Variants in OTUD7A observed in about 807,000 individuals in gnomAD.
OTUD7A encodes OTU deubiquitinase 7A.
OTUD7A carries 12 observed loss-of-function variants against 65.7 expected under a neutral mutation model. That is an observed-to-expected ratio of 0.18 (90% CI 0.12 to 0.30). OTUD7A has a LOEUF of 0.30. Among genes scored for constraint, OTUD7A ranks in the 10% least tolerant of loss-of-function variants. The probability of loss-of-function intolerance (pLI) is 1.00; values close to 1 mark genes in which losing one functional copy is unlikely to be tolerated. For synonymous variants in OTUD7A, 641 were observed against 586.3 expected (o/e 1.09, Z -1.35); for missense variants, 1,148 against 1,304.8 (o/e 0.88, Z 1.85).
chr15:31,828,699 C>T (rs756035071), intron 1 of OTUD7A, among the ~76,000 whole-genome samples: 1 of 152,088 alleles, frequency 6.6e-6, no homozygotes, highest in Non-Finnish European at 1.5e-5. Context: ...TATTTTATCA[C>T]CAATCTGTAC....
In OTUD7A at chr15:31,796,142, C is replaced by CGTGTGTGTGT. The variant is rs145581747; in HGVS notation, c.-100+74355_-100+74364dup. 4.4e-3 allele frequency among the ~76,000 whole-genome samples: 656 copies of CGTGTGTGTGT among 148,124 alleles called. 6 individuals are homozygous for CGTGTGTGTGT. Among genetic ancestry groups the CGTGTGTGTGT allele is most frequent in the East Asian group, 0.026 (130 of 5,032 alleles). ...AGAGAAGCAGAACCAGTAAGGGGTG[C>CGTGTGTGTGT]GTGTGTGTGTGTGTGTGTGTGTGTA... On this transcript the variant is annotated intron_variant, in intron 1 of 12. Transcript: ENST00000307050.
chr15:31,865,999 A>G (rs2141022090), intron 1 of OTUD7A, among the ~76,000 whole-genome samples: 1 of 152,366 alleles, frequency 6.6e-6, no homozygotes, highest in South Asian at 2.1e-4. Flanking sequence ...CAAATAGAAA[A>G]TATTTCCTTG....
In OTUD7A at chr15:31,483,991, G is replaced by T; in HGVS notation, c.2105C>A (p.Pro702Gln). ...CACGCCCTCCGTCTCCGGTCTGCGC[G>T]GCGGCCGCTTGGCCGTGGCGGCGGC... ...AAAAATAKRP[P>Q]RRPETEGVPV... Residue 702 changes from proline (P) to glutamine (Q), a missense_variant, in exon 13 of 13, where the codon CCG (proline) becomes CAG (glutamine). Coordinates refer to ENST00000307050, the MANE Select transcript of OTUD7A (RefSeq NM_001382637.1). 8.9e-7 allele frequency: 1 copy of T among 1,128,430 alleles called. No homozygotes were observed. The allele number at this position is 1,128,430 out of a possible 1,614,324, so 69.9% of individuals were successfully genotyped here.
intron 1 of OTUD7A, among the ~76,000 whole-genome samples, chr15:31,722,769 C>T (rs984783265): frequency 6.6e-6 from 1 of 152,204 alleles, no homozygotes; most frequent in African/African-American, 2.4e-5. Flanking sequence ...TTGTCCACTT[C>T]GTGGTCTTAC....
At chr15:31,763,988 A>C (rs1450294418) in intron 1 of OTUD7A, among the ~76,000 whole-genome samples, 1 of 152,222 alleles carries the variant, frequency 6.6e-6, no homozygotes. Context: ...AAAGAAAATG[A>C]AGAGAATTAG....
intron 8 of OTUD7A, among the ~76,000 whole-genome samples, chr15:31,508,101 A>G (rs1366964997): frequency 1.1e-5 from 1 of 87,600 alleles, no homozygotes; most frequent in Non-Finnish European, 2.2e-5. Context: ...TAGTTACATT[A>G]ATAACAAGGG....
At chr15:31,747,894 C>T (rs1894522428) in intron 1 of OTUD7A, among the ~76,000 whole-genome samples, 1 of 152,134 alleles carries the variant, frequency 6.6e-6, no homozygotes, top group African/African-American at 2.4e-5. Flanking sequence ...CGTGGCACTG[C>T]TGGCAAAAAT....
chr15:31,868,517 G>C (rs758364359), intron 1 of OTUD7A, among the ~76,000 whole-genome samples: 2 of 152,202 alleles, frequency 1.3e-5, no homozygotes, highest in Non-Finnish European at 2.9e-5. Flanking sequence ...CAACTCAAGA[G>C]TTAAGTTCTA....
At chr15:31,674,001 C>T (rs556090697) in intron 1 of OTUD7A, among the ~76,000 whole-genome samples, 1 of 152,212 alleles carries the variant, frequency 6.6e-6, no homozygotes, top group African/African-American at 2.4e-5. Flanking sequence ...ACTAAACCTA[C>T]CTTCATACTC....
At chr15:31,605,874 G>A (rs1358712449) in intron 3 of OTUD7A, among the ~76,000 whole-genome samples, 1 of 152,154 alleles carries the variant, frequency 6.6e-6, no homozygotes, top group Non-Finnish European at 1.5e-5. Context: ...CTGTGCCCGT[G>A]GACAGGGAGT....
chr15:31,689,641 G>C (rs940449394), intron 1 of OTUD7A, among the ~76,000 whole-genome samples: 4 of 152,034 alleles, frequency 2.6e-5, no homozygotes, highest in Non-Finnish European at 4.4e-5. Context: ...TTTGAAATTG[G>C]CTGGTGAATC....
intron 12 of OTUD7A, among the ~76,000 whole-genome samples, chr15:31,485,912 A>G (rs1257704837): frequency 6.6e-6 from 1 of 152,168 alleles, no homozygotes; most frequent in Non-Finnish European, 1.5e-5. Context: ...TCCCACTCTG[A>G]CATTCCTTTC....
chr15:31,728,417 T>A (rs1366796689), intron 1 of OTUD7A, among the ~76,000 whole-genome samples: 1 of 152,248 alleles, frequency 6.6e-6, no homozygotes, highest in Non-Finnish European at 1.5e-5. Context: ...ATCTGTATGA[T>A]CTTTTCAATG....
At chr15:31,646,058 C>T (rs1001255806) in intron 3 of OTUD7A, among the ~76,000 whole-genome samples, 7 of 152,268 alleles carry the variant, frequency 4.6e-5, no homozygotes, top group East Asian at 3.9e-4. Flanking sequence ...TTCGCACAGC[C>T]AATTTTTTAT....
At position 31,841,192 on chromosome 15, in the gene OTUD7A, C is replaced by T. The variant is rs186665901; in HGVS notation, c.-100+29315G>A. ...CAGAAGACTCAGGCTAAGCTCCAGC[C>T]CCTTTTTCTTCGTCACAGAGTCCCT... On this transcript the variant is annotated intron_variant, in intron 1 of 12. Coordinates refer to ENST00000307050, the MANE Select transcript of OTUD7A (RefSeq NM_001382637.1). Among the ~76,000 whole-genome samples the T allele has an allele frequency of 4.9e-4, 74 of 152,222 alleles. 1 individual carries two copies. Among genetic ancestry groups the T allele is most frequent in the Admixed American group, 3.3e-3 (50 of 15,300 alleles).
intron 1 of OTUD7A, among the ~76,000 whole-genome samples, chr15:31,796,407 T>G (rs184738657): frequency 5.3e-5 from 8 of 152,294 alleles, no homozygotes; most frequent in Non-Finnish European, 1.2e-4. Context: ...CCTTCTTCTT[T>G]GGGGAAGCTC....
At chr15:31,496,368 C>A (rs982784172) in intron 10 of OTUD7A, among the ~76,000 whole-genome samples, 1 of 152,036 alleles carries the variant, frequency 6.6e-6, no homozygotes, top group Admixed American at 6.5e-5. Flanking sequence ...ACTACAGGCA[C>A]CTGCCACCAT....
intron 3 of OTUD7A, among the ~76,000 whole-genome samples, chr15:31,615,028 T>C (rs1386124817): frequency 1.3e-5 from 2 of 152,026 alleles, no homozygotes; most frequent in Non-Finnish European, 2.9e-5. Flanking sequence ...GCTAATAGAA[T>C]AGAACATTAA....
rs557862245 is a variant in OTUD7A, at chr15:31,691,071, C to A, written c.-99-33994G>T. The stretch of plus-strand genomic sequence containing the variant: ...ATTAATATCCATAACATATACAGAA[C>A]CCCTGTAACTCAACAGGAAGAACCT... On this transcript the variant is annotated intron_variant, in intron 1 of 12. Transcript: ENST00000307050. 2.0e-5 allele frequency among the ~76,000 whole-genome samples: 3 copies of A among 152,222 alleles called. No individual in the cohort carries two copies. The South Asian group carries it at 6.2e-4, about 32-fold the overall frequency.
Sources: gnomAD v4.1 joint callset for allele counts (sites outside exome capture counted in the v4.1 genomes callset) on GRCh38, gnomAD v4.1.1 for gene constraint, MANE v1.5 for transcripts, NCBI Gene and HGNC (gene_info 2026-07-23, HGNC 2026-07-21) for gene names.